The following TRAPPC2L variants were observed in gnomAD, a reference collection of about 807,000 sequenced individuals.
The protein encoded by TRAPPC2L is trafficking protein particle complex subunit 2L, also known as trafficking protein particle complex subunit 2-like protein.
In TRAPPC2L, 17 loss-of-function variants were observed where a neutral mutation model predicts 13.2. That is an observed-to-expected ratio of 1.29 (90% CI 0.88 to 1.93). The LOEUF (loss-of-function observed/expected upper bound fraction) is 1.93, where lower values mean the gene tolerates loss of function less well. TRAPPC2L is among the 30% of genes most tolerant of loss of function. TRAPPC2L has a pLI of 0.00. For synonymous variants in TRAPPC2L, 150 were observed against 98.1 expected (o/e 1.53, Z -3.12); for missense variants, 359 against 252.1 (o/e 1.42, Z -2.87).
chr16:88,861,723 A>T (rs1040724607), exon 4 of TRAPPC2L: 2 of 462,570 alleles, frequency 4.3e-6, no homozygotes, highest in Non-Finnish European at 8.8e-6. Context: ...GTCAAGGCTC[A>T]GCCCGCTGAG....
chr16:88,860,357 C>T, exon 4 of TRAPPC2L: 1 of 661,434 alleles, frequency 1.5e-6, no homozygotes, highest in Non-Finnish European at 2.7e-6. Context: ...AGTCAGGAAC[C>T]TGGTTTGCAG....
At chr16:88,856,330 G>A (rs1218396824), upstream of TRAPPC2L, 1 of 702,628 alleles carries the variant, frequency 1.4e-6, no homozygotes, top group African/African-American at 1.7e-5. Flanking sequence ...CAGGCAGGGC[G>A]GCAGGAGCAG....
chr16:88,861,054 T>G (rs14489), exon 4 of TRAPPC2L: 9 of 1,285,074 alleles, frequency 7.0e-6, no homozygotes, highest in Non-Finnish European at 9.8e-6. Context: ...ATGGGACGCC[T>G]GGGGCTTTCA....
At chr16:88,856,763 C>A (rs2143013504), upstream of TRAPPC2L, 1 of 1,535,952 alleles carries the variant, frequency 6.5e-7, no homozygotes, top group South Asian at 1.2e-5. Flanking sequence ...CTCACGTCGT[C>A]CATGAGCAGG....
At chr16:88,857,407 C>T (rs971444529) in intron 1 of TRAPPC2L, 9 of 498,630 alleles carry the variant, frequency 1.8e-5, no homozygotes, top group African/African-American at 8.1e-5. Context: ...ACGCACCCCT[C>T]GGCGCAGCAG....
chr16:88,856,901 C>A, upstream of TRAPPC2L: 1 of 1,500,068 alleles, frequency 6.7e-7, no homozygotes, highest in Non-Finnish European at 8.8e-7. Flanking sequence ...GCCGCGGAGC[C>A]CCGGCCAGCG....
upstream of TRAPPC2L, chr16:88,856,959 C>G: frequency 2.1e-6 from 3 of 1,428,628 alleles, no homozygotes; most frequent in Non-Finnish European, 2.7e-6. Context: ...GGCTGCGGGG[C>G]GGGGCCTGGA....
upstream of TRAPPC2L, chr16:88,856,269 G>C: frequency 1.4e-6 from 1 of 703,054 alleles, no homozygotes; most frequent in Non-Finnish European, 2.6e-6. Flanking sequence ...CCCAGCGGGG[G>C]GACCCGGCGG....
exon 4 of TRAPPC2L, chr16:88,861,396 G>A (rs987366517): frequency 2.6e-5 from 9 of 344,004 alleles, no homozygotes; most frequent in East Asian, 2.5e-4. Flanking sequence ...AAGGGGAGCC[G>A]GCGTGGCTTC....
At chr16:88,860,999 C>T (rs527461819) in exon 4 of TRAPPC2L, 14 of 1,556,800 alleles carry the variant, frequency 9.0e-6, no homozygotes, top group Middle Eastern at 1.7e-4. Flanking sequence ...AGCCCGCGCA[C>T]GACTGTGGTG....
At chr16:88,861,885 T>C (rs1272282123) in exon 4 of TRAPPC2L, 6 of 296,222 alleles carry the variant, frequency 2.0e-5, no homozygotes, top group Non-Finnish European at 3.4e-5. Flanking sequence ...TTGATACATA[T>C]TTGCCTTTTC....
At chr16:88,857,262 T>G in intron 1 of TRAPPC2L, 79 bp downstream of exon 1, 1 of 1,313,010 alleles carries the variant, frequency 7.6e-7, no homozygotes, top group Non-Finnish European at 1.0e-6. Flanking sequence ...TCCCTGGGCT[T>G]AGAAGGCACC....
chr16:88,858,081 G>A lies in TRAPPC2L; in HGVS notation c.34-538G>A, dbSNP rs1968088289. On this transcript the variant is annotated intron_variant, in intron 1 of 3. Transcript: ENST00000565504. The stretch of plus-strand genomic sequence containing the variant: ...TCACTGTATTTGTGCAGGACCCAGT[G>A]CTGAACACACACAGGGTAAATGGTG... Among the ~76,000 whole-genome samples, 6 of 152,242 alleles carry A rather than the reference G, an allele frequency of 3.9e-5. 1 individual carries two copies. The highest frequency in any genetic ancestry group is 3.9e-4 in the Admixed American group (6 of 15,282).
Position 88,859,505 on chromosome 16 carries a change from T to C in TRAPPC2L, c.207-158T>C. Reference sequence around the variant, plus strand: ...AACACCAGACGTCGCCCTAGCAAAGTATTTAGGCTTGTACCCAGCACGGCC... The same window carrying C: ...AACACCAGACGTCGCCCTAGCAAAGCATTTAGGCTTGTACCCAGCACGGCC... On this transcript the variant is annotated intron_variant, in intron 2 of 3. Transcript: ENST00000565504. 3.9e-6 allele frequency: 3 copies of C among 775,414 alleles called. No individual in the cohort carries two copies. The South Asian group carries it at 4.2e-5, about 11-fold the overall frequency. The allele number at this position is 775,414 out of a possible 1,614,324, so 48.0% of individuals were successfully genotyped here. A position where few individuals can be genotyped will look rare whatever the true frequency, so the allele number is the denominator to read the frequency against.
upstream of TRAPPC2L, chr16:88,856,443 C>G (rs1199792524): frequency 1.4e-6 from 1 of 700,616 alleles, no homozygotes; most frequent in South Asian, 1.5e-5. Context: ...AGCACGCCGG[C>G]CACCCACCTG....
In TRAPPC2L at chr16:88,857,330, G is replaced by A. The variant is rs192488539; in HGVS notation, c.33+147G>A. ...GAGCTCCAGCGGTCAGGGGCTTCGC[G>A]GTGGACGAGCCGCCAGGCAGACCCT... On this transcript the variant is annotated intron_variant, in intron 1 of 3. Transcript: ENST00000565504. 7.0e-4 allele frequency: 509 copies of A among 727,198 alleles called. 1 individual carries two copies. In the African/African-American group the frequency reaches 8.2e-3, roughly 12 times the overall value. 45.0% of individuals were successfully genotyped at this position (727,198 alleles called of 1,614,324 possible). A position where few individuals can be genotyped will look rare whatever the true frequency, so the allele number is the denominator to read the frequency against.
chr16:88,858,861 C>T (rs1968178932), intron 2 of TRAPPC2L, 70 bp downstream of exon 2: 1 of 1,500,148 alleles, frequency 6.7e-7, no homozygotes, highest in African/African-American at 1.4e-5. Flanking sequence ...GATCAGATAA[C>T]TTGAAACCTT....
chr16:88,861,658 G>A (rs1171942114), exon 4 of TRAPPC2L: 4 of 499,098 alleles, frequency 8.0e-6, no homozygotes, highest in South Asian at 1.5e-5. Flanking sequence ...ACCACCCAGG[G>A]CAGCGGCCGA....
In TRAPPC2L at chr16:88,857,353, CCTGA is replaced by C. The variant is rs1267589827; in HGVS notation, c.33+175_33+178del. On this transcript the variant is annotated intron_variant, in intron 1 of 3. Coordinates refer to ENST00000565504, the Ensembl canonical transcript of TRAPPC2L. Reference sequence around the variant, plus strand: ...GCGGTGGACGAGCCGCCAGGCAGACCCTGACTGAGACCCCAGTTCCGCGCTCGCC... The same window carrying C: ...GCGGTGGACGAGCCGCCAGGCAGACCCTGAGACCCCAGTTCCGCGCTCGCC... 2.0e-5 allele frequency: 12 copies of C among 599,964 alleles called. No individual in the cohort carries two copies. The Admixed American group carries it at 3.6e-4, about 18-fold the overall frequency. 37.2% of individuals were successfully genotyped at this position (599,964 alleles called of 1,614,324 possible). A position where few individuals can be genotyped will look rare whatever the true frequency, so the allele number is the denominator to read the frequency against.
Sources: allele counts gnomAD v4.1 joint callset (sites outside exome capture counted in the v4.1 genomes callset), GRCh38; gene constraint gnomAD v4.1.1; transcripts MANE v1.5; gene names NCBI Gene and HGNC (gene_info 2026-07-23, HGNC 2026-07-21).